ATAD3A: variants seen among roughly 807,000 people sequenced by gnomAD.
ATAD3A encodes ATPase family AAA domain containing 3A.
Under a neutral mutation model 73.8 loss-of-function variants are expected in ATAD3A, and 46 were observed. The observed-to-expected ratio is 0.62, with a 90% confidence interval of 0.49 to 0.80. ATAD3A has a LOEUF of 0.80. Ranked by LOEUF, ATAD3A falls within the 30% of genes least tolerant of loss-of-function variation. ATAD3A has a pLI of 0.00. For synonymous variants in ATAD3A, 319 were observed against 350.0 expected (o/e 0.91, Z 0.99); for missense variants, 705 against 838.0 (o/e 0.84, Z 1.96).
At chr1:1,524,534 G>A in intron 11 of ATAD3A, 137 bp downstream of exon 11, 1 of 866,558 alleles carries the variant, frequency 1.2e-6, no homozygotes, top group Non-Finnish European at 1.7e-6. Flanking sequence ...GAGGCCCAGT[G>A]GAGGGTCCCT....
chr1:1,529,064 T>C (rs1443841562), intron 14 of ATAD3A, among the ~76,000 whole-genome samples, 159 bp from the exon 15 acceptor site: 1 of 152,250 alleles, frequency 6.6e-6, no homozygotes, highest in African/African-American at 2.4e-5. Context: ...GGGCCTGGCC[T>C]GCAGCAGGGA....
At position 1,525,460 on chromosome 1, in the gene ATAD3A, G is replaced by A. The variant is rs58609155; in HGVS notation, c.1266+169G>A. On this transcript the variant is annotated intron_variant, in intron 12 of 15. Transcript: ENST00000378756. ...GAAGAAATCTCGCTCTATCACCCAG[G>A]CTGGAGTGCAATGGCCCCATCTCGG... 6.4e-3 allele frequency among the ~76,000 whole-genome samples: 964 copies of A among 150,152 alleles called. 11 individuals are homozygous for A. Among genetic ancestry groups the A allele is most frequent in the African/African-American group, 0.023 (918 of 40,648 alleles).
chr1:1,514,276 C>A lies in ATAD3A; in HGVS notation c.206-1736C>A, dbSNP rs4111068. The stretch of plus-strand genomic sequence containing the variant: ...TCAGCTTAATCCAGCCAAAGGTCCC[C>A]TCGGGAGGAAACAGGCAGAGCTCCT... On this transcript the variant is annotated intron_variant, in intron 1 of 15. Coordinates refer to ENST00000378756, the MANE Select transcript of ATAD3A (RefSeq NM_001170535.3). Among the ~76,000 whole-genome samples, 435 of 152,092 alleles carry A rather than the reference C, an allele frequency of 2.9e-3. 12 individuals carry two copies. In the East Asian group the frequency reaches 0.069, roughly 24 times the overall value.
chr1:1,523,502 C>A lies in ATAD3A; in HGVS notation c.907-9C>A, dbSNP rs891408300. ...TGACCCGATGGCGCTTCCCCTTCCC[C>A]TCCGGCAGGTCAGCCGGCGGCTCCT... is the stretch of plus-strand genomic sequence containing the variant. On this transcript the variant is annotated splice_polypyrimidine_tract_variant and intron_variant, in intron 8 of 15. Transcript: ENST00000378756. This position sits in a 1 kb window ranked among gnomAD's most constrained non-coding sequence, Gnocchi z 5.1. The A allele has an allele frequency of 1.2e-6, 2 of 1,611,640 alleles. No homozygotes were observed. The highest frequency in any genetic ancestry group is 1.1e-5 in the South Asian group (1 of 90,756).
At position 1,523,644 on chromosome 1, in the gene ATAD3A, C is replaced by T. The variant is rs905975633; in HGVS notation, c.963+77C>T. On this transcript the variant is annotated intron_variant, in intron 9 of 15. Coordinates refer to ENST00000378756, the MANE Select transcript of ATAD3A (RefSeq NM_001170535.3). The surrounding 1 kb of genome is among the most constrained non-coding windows in gnomAD (Gnocchi z 5.1). ...TGGGCCGGGCTGTGGCCCTTGCTGG[C>T]GCTCGTGGTGGCACCCAGGAGCTTT... is the stretch of plus-strand genomic sequence containing the variant. 43 of 1,604,484 alleles carry T rather than the reference C, an allele frequency of 2.7e-5. No homozygotes were observed. In the African/African-American group the frequency reaches 2.9e-4, roughly 11 times the overall value.
intron 7 of ATAD3A, among the ~76,000 whole-genome samples, chr1:1,522,171 A>C (rs1001054094): frequency 6.6e-6 from 1 of 151,768 alleles, no homozygotes; most frequent in Non-Finnish European, 1.5e-5. Flanking sequence ...TCCCAAGTAG[A>C]TGGGATTACA....
chr1:1,531,975 G>T (rs1298791103), intron 15 of ATAD3A, among the ~76,000 whole-genome samples: 1 of 152,022 alleles, frequency 6.6e-6, no homozygotes, highest in Non-Finnish European at 1.5e-5. Context: ...CTCATAAAAG[G>T]GTTTTGAATT....
intron 12 of ATAD3A, among the ~76,000 whole-genome samples, 179 bp downstream of exon 12, chr1:1,525,470 A>G (rs1278612146): frequency 1.4e-5 from 2 of 147,608 alleles, no homozygotes; most frequent in Admixed American, 6.9e-5. Flanking sequence ...GCTGGAGTGC[A>G]ATGGCCCCAT....
intron 4 of ATAD3A, among the ~76,000 whole-genome samples, chr1:1,518,510 CCCA>C (rs1641454904): frequency 9.9e-6 from 1 of 100,832 alleles, no homozygotes; most frequent in Admixed American, 1.1e-4. Flanking sequence ...ACACAACCCC[CCCA>C]CATGGGCGCA....
intron 14 of ATAD3A, among the ~76,000 whole-genome samples, chr1:1,528,303 A>G (rs1040898239): frequency 2.6e-5 from 4 of 151,836 alleles, no homozygotes; most frequent in Admixed American, 6.5e-5. Flanking sequence ...GCTGTGAGGA[A>G]ATCTTGTGCT....
chr1:1,527,395 A>C (rs1449418179), intron 13 of ATAD3A, among the ~76,000 whole-genome samples: 2 of 152,176 alleles, frequency 1.3e-5, no homozygotes, highest in Non-Finnish European at 2.9e-5. Flanking sequence ...CCGGGTCCCG[A>C]ATCCCTGCTC....
At position 1,518,904 on chromosome 1, in the gene ATAD3A, C is replaced by T. The variant is rs763389922; in HGVS notation, c.445-17C>T. On this transcript the variant is annotated splice_polypyrimidine_tract_variant and intron_variant, in intron 4 of 15. Transcript: ENST00000378756. Reference sequence around the variant, plus strand: ...AGGTTTTAAAGGCTTTTCTCTTTTTCTGCGGCTTCTTCTCAGCAACTTCTC... The same window carrying T: ...AGGTTTTAAAGGCTTTTCTCTTTTTTTGCGGCTTCTTCTCAGCAACTTCTC... The T allele has an allele frequency of 5.0e-6, 8 of 1,614,120 alleles. No individual in the cohort carries two copies. Among genetic ancestry groups the T allele is most frequent in the Non-Finnish European group, 4.2e-6 (5 of 1,179,976 alleles).
At position 1,520,528 on chromosome 1, in the gene ATAD3A, C is replaced by T. The variant is rs879147056; in HGVS notation, c.681-20C>T. The stretch of plus-strand genomic sequence containing the variant: ...CGGATCTTCGTGTCCTTCCTGGTCA[C>T]ACCACTGCTTTCCCCGCAGGACGGC... On this transcript the variant is annotated intron_variant, in intron 6 of 15. Coordinates refer to ENST00000378756, the MANE Select transcript of ATAD3A (RefSeq NM_001170535.3). The surrounding 1 kb of genome is among the most constrained non-coding windows in gnomAD (Gnocchi z 4.0). 6.2e-7 allele frequency: 1 copy of T among 1,614,112 alleles called. No homozygotes were observed. Among genetic ancestry groups the T allele is most frequent in the Non-Finnish European group, 8.5e-7 (1 of 1,179,932 alleles).
intron 4 of ATAD3A, 122 bp from the exon 5 acceptor site, chr1:1,518,799 C>T (rs550680907): frequency 5.8e-5 from 91 of 1,578,188 alleles, no homozygotes; most frequent in Non-Finnish European, 7.2e-5. Context: ...AAACGGGCAC[C>T]GTCACACCCC....
At chr1:1,525,007 G>C (rs1211641288) in intron 11 of ATAD3A, among the ~76,000 whole-genome samples, 1 of 152,174 alleles carries the variant, frequency 6.6e-6, no homozygotes, top group South Asian at 2.1e-4. Flanking sequence ...GGCGGAGTTC[G>C]TCGCCCCCGT....
At chr1:1,527,080 G>T (rs1641873674) in intron 13 of ATAD3A, 2 of 1,043,142 alleles carry the variant, frequency 1.9e-6, no homozygotes, top group Admixed American at 5.0e-5. Flanking sequence ...CCCCCATAGG[G>T]TGACCGCCCC....
intron 15 of ATAD3A, among the ~76,000 whole-genome samples, chr1:1,531,893 T>C (rs1642046650): frequency 6.6e-6 from 1 of 150,880 alleles, no homozygotes; most frequent in Non-Finnish European, 1.5e-5. Flanking sequence ...TCAGGTGATC[T>C]GCCCCCTTTG....
chr1:1,516,916 T>C (rs1308212739), intron 2 of ATAD3A, among the ~76,000 whole-genome samples: 7 of 152,224 alleles, frequency 4.6e-5, no homozygotes, highest in Non-Finnish European at 8.8e-5. Context: ...TTCACCATGT[T>C]GTTCAGGCTG....
intron 1 of ATAD3A, among the ~76,000 whole-genome samples, chr1:1,515,273 C>T (rs989784221): frequency 6.6e-6 from 1 of 152,104 alleles, no homozygotes; most frequent in East Asian, 1.9e-4. Flanking sequence ...GATGGGGTTT[C>T]ACCACATTGG....
Sources: allele counts gnomAD v4.1 joint callset (sites outside exome capture counted in the v4.1 genomes callset), GRCh38; gene constraint gnomAD v4.1.1; non-coding constraint Gnocchi (gnomAD v3.1); transcripts MANE v1.5; gene names NCBI Gene and HGNC (gene_info 2026-07-23, HGNC 2026-07-21).